USP24: variants seen among roughly 807,000 people sequenced by gnomAD.
The protein encoded by USP24 is ubiquitin specific peptidase 24.
In USP24, 97 loss-of-function variants were observed where a neutral mutation model predicts 361.6. The ratio of observed to expected loss-of-function variants is 0.27; its 90% CI spans 0.23 to 0.32. USP24 has a LOEUF of 0.32. USP24 is among the 10% of genes least tolerant of loss of function. USP24 has a pLI of 1.00. For synonymous variants in USP24, 1,098 were observed against 1,124.6 expected (o/e 0.98, Z 0.47); for missense variants, 2,353 against 3,165.6 (o/e 0.74, Z 6.16).
intron 1 of USP24, among the ~76,000 whole-genome samples, chr1:55,195,360 T>TAG (rs1367290156): frequency 6.6e-6 from 1 of 152,172 alleles, no homozygotes. Flanking sequence ...TATCATCTCT[T>TAG]CAACAAAATT....
rs140729112 is a variant in USP24, at chr1:55,099,988, G to A, written c.5272-119C>T. On this transcript the variant is annotated intron_variant, in intron 44 of 67. Transcript: ENST00000294383. ...AAATCAGGTTCACTATTAGGATGTG[G>A]ACATTTCTAGTGAAGTGAGACTAGC... 118 of 681,076 alleles carry A rather than the reference G, an allele frequency of 1.7e-4. No homozygotes were observed. In the Middle Eastern group the frequency reaches 2.1e-3, roughly 12 times the overall value. 42.2% of individuals were successfully genotyped at this position (681,076 alleles called of 1,614,324 possible). A position where few individuals can be genotyped will look rare whatever the true frequency, so the allele number is the denominator to read the frequency against.
chr1:55,210,065 G>A (rs549176070), intron 1 of USP24, among the ~76,000 whole-genome samples: 6 of 152,178 alleles, frequency 3.9e-5, no homozygotes, highest in African/African-American at 1.4e-4. Flanking sequence ...TTATTATGCT[G>A]TATAAAGCTG....
At chr1:55,199,495 T>C (rs1328570040) in intron 1 of USP24, among the ~76,000 whole-genome samples, 1 of 152,146 alleles carries the variant, frequency 6.6e-6, no homozygotes, top group Non-Finnish European at 1.5e-5. Flanking sequence ...TGCAGTTCTG[T>C]AGAATGTCTT....
intron 44 of USP24, 108 bp downstream of exon 44, chr1:55,100,731 C>G: frequency 9.0e-7 from 1 of 1,106,906 alleles, no homozygotes; most frequent in Non-Finnish European, 1.2e-6. Flanking sequence ...AGTTTCTTGG[C>G]AAGAGATTAG....
chr1:55,069,144 TAGAGA>T, intron 67 of USP24, 37 bp from the exon 68 acceptor site: 1 of 1,611,104 alleles, frequency 6.2e-7, no homozygotes, highest in Non-Finnish European at 8.5e-7. Flanking sequence ...TTCATACGGT[TAGAGA>T]AAAGGTTTTC....
At chr1:55,211,912 T>C (rs945544019) in intron 1 of USP24, among the ~76,000 whole-genome samples, 1 of 152,234 alleles carries the variant, frequency 6.6e-6, no homozygotes, top group Non-Finnish European at 1.5e-5. Context: ...AGGTACTCAG[T>C]TTTTAGAAAT....
chr1:55,115,312 C>T lies in USP24; in HGVS notation c.4509-5066G>A, dbSNP rs920749895. ...GGCGGGCGAATCACGAGGTCTAAAA[C>T]GGTGAAACCCCGTCTCTACTAAAAA... On this transcript the variant is annotated intron_variant, in intron 38 of 67. Coordinates refer to ENST00000294383, the MANE Select transcript of USP24 (RefSeq NM_015306.3). Among the ~76,000 whole-genome samples the T allele has an allele frequency of 4.8e-4, 73 of 151,608 alleles. 1 individual carries two copies. Among genetic ancestry groups the T allele is most frequent in the Admixed American group, 6.6e-4 (10 of 15,238 alleles).
At chr1:55,091,110 A>G (rs1171764445) in intron 54 of USP24, among the ~76,000 whole-genome samples, 2 of 152,216 alleles carry the variant, frequency 1.3e-5, no homozygotes, top group African/African-American at 2.4e-5. Context: ...CATAAAACCA[A>G]TGATGAATAA....
chr1:55,206,635 A>G (rs1026242544), intron 1 of USP24, among the ~76,000 whole-genome samples: 2 of 140,664 alleles, frequency 1.4e-5, no homozygotes, highest in African/African-American at 5.4e-5. Flanking sequence ...TTCTTGTGCC[A>G]GTGAATGGCA....
chr1:55,147,697 T>C lies in USP24; in HGVS notation c.2070A>G (p.Gly690=). 6.2e-7 allele frequency: 1 copy of C among 1,610,872 alleles called. No individual in the cohort carries two copies. The highest frequency in any genetic ancestry group is 8.5e-7 in the Non-Finnish European group (1 of 1,178,542). ...CCACTAGTGTCGAGCCACTTAAGCC[T>C]CCAGGCCCGGCCACAGCAGCTGCAA... ...HRLAAAVAGP[G]GLSGSTLVDG... The change falls in exon 18 of 68, where the codon GGA becomes GGG. Residue 690 remains glycine, a synonymous_variant. Transcript: ENST00000294383.
chr1:55,116,267 A>T (rs756370920), intron 38 of USP24, among the ~76,000 whole-genome samples: 1 of 152,118 alleles, frequency 6.6e-6, no homozygotes, highest in Non-Finnish European at 1.5e-5. Context: ...GAACAAACCA[A>T]ACTTAAAGGT....
rs188827264 is a variant in USP24 at position 55,123,461 on chromosome 1, C to T, written c.4262G>A (p.Arg1421Gln). ...CTCCAGCATACCCAGTTGCTGGCTC[C>T]GAAGCTGTAGGCACGTAACAAGAAG... is the stretch of plus-strand genomic sequence containing the variant. ...LSLLVTCLQL[R>Q]SQQLASFYNL... The change falls in exon 36 of 68, where the codon CGG (arginine) becomes CAG (glutamine). Residue 1421 changes from arginine (R) to glutamine (Q), a missense_variant. Coordinates refer to ENST00000294383, the MANE Select transcript of USP24 (RefSeq NM_015306.3). The T allele has an allele frequency of 1.0e-5, 16 of 1,590,004 alleles. No individual in the cohort carries two copies. Among genetic ancestry groups the T allele is most frequent in the African/African-American group, 4.0e-5 (3 of 74,298 alleles).
chr1:55,171,920 T>G (rs1235976300), intron 4 of USP24, among the ~76,000 whole-genome samples: 1 of 152,104 alleles, frequency 6.6e-6, no homozygotes, highest in Non-Finnish European at 1.5e-5. Flanking sequence ...GAGGTCTGAC[T>G]CAAGGCAGTG....
chr1:55,140,881 C>A (rs1488515321), intron 24 of USP24, among the ~76,000 whole-genome samples: 2 of 152,094 alleles, frequency 1.3e-5, no homozygotes, highest in African/African-American at 4.8e-5. Flanking sequence ...TGCATGGTTT[C>A]TCCTATATCT....
At chr1:55,149,869 A>G (rs1050164433) in intron 16 of USP24, among the ~76,000 whole-genome samples, 1 of 152,344 alleles carries the variant, frequency 6.6e-6, no homozygotes, top group African/African-American at 2.4e-5. Context: ...AATGTTATCA[A>G]AAAGATTACA....
chr1:55,174,400 G>T (rs1649748383), intron 3 of USP24, among the ~76,000 whole-genome samples: 1 of 152,174 alleles, frequency 6.6e-6, no homozygotes, highest in Non-Finnish European at 1.5e-5. Context: ...CTAATTGACG[G>T]GGAGGAGAAC....
intron 5 of USP24, among the ~76,000 whole-genome samples, chr1:55,168,417 A>T (rs926476594): frequency 6.6e-6 from 1 of 151,724 alleles, no homozygotes; most frequent in Non-Finnish European, 1.5e-5. Context: ...AGTTGAGTTG[A>T]CAAAAAAAAA....
chr1:55,154,471 A>G lies in USP24; in HGVS notation c.1555-5T>C, dbSNP rs1219791155. The G allele has an allele frequency of 6.4e-7, 1 of 1,550,536 alleles. No homozygotes were observed. Among genetic ancestry groups the G allele is most frequent in the Admixed American group, 2.0e-5 (1 of 50,784 alleles). Reference sequence around the variant, plus strand: ...ATCACTCTCAGTCTCCCAGCTCTGTAGAACGGAAAAGACACAGGAATTGCT... The same window carrying G: ...ATCACTCTCAGTCTCCCAGCTCTGTGGAACGGAAAAGACACAGGAATTGCT... On this transcript the variant is annotated splice_polypyrimidine_tract_variant and splice_region_variant and intron_variant, in intron 13 of 67. Transcript: ENST00000294383.
intron 31 of USP24, among the ~76,000 whole-genome samples, chr1:55,131,308 C>T (rs990484591): frequency 3.9e-5 from 6 of 152,104 alleles, no homozygotes; most frequent in Admixed American, 6.5e-5. Flanking sequence ...TCAGTATGCA[C>T]GAAAATGTAA....
Sources: gnomAD v4.1 joint callset for allele counts (sites outside exome capture counted in the v4.1 genomes callset) on GRCh38, gnomAD v4.1.1 for gene constraint, MANE v1.5 for transcripts, NCBI Gene and HGNC (gene_info 2026-07-23, HGNC 2026-07-21) for gene names.